The following CTSB variants were observed in gnomAD, a reference collection of about 807,000 sequenced individuals.
The protein encoded by CTSB is APP secretase.
Under a neutral mutation model 44.3 loss-of-function variants are expected in CTSB, and 57 were observed. That is an observed-to-expected ratio of 1.29 (90% CI 1.04 to 1.60). The LOEUF (loss-of-function observed/expected upper bound fraction) is 1.60, where lower values mean the gene tolerates loss of function less well. Among genes scored for constraint, CTSB ranks in the 40% most tolerant of loss-of-function variants. The pLI is 0.00. For synonymous variants in CTSB, 320 were observed against 168.0 expected, an observed-to-expected ratio of 1.91 and a Z score of -7.00; for missense variants, 768 against 443.0, an observed-to-expected ratio of 1.73 and a Z score of -6.59.
intron 4 of CTSB, 115 bp downstream of exon 4, chr8:11,850,751 G>C (rs1736092): frequency 1.1e-5 from 7 of 639,254 alleles, no homozygotes; most frequent in South Asian, 7.9e-5. Flanking sequence ...CTGGGACTCA[G>C]AAAGTTTCTA....
intron 1 of CTSB, 108 bp from the exon 2 acceptor site, chr8:11,853,587 G>C (rs1348661571): frequency 3.5e-6 from 4 of 1,133,282 alleles, no homozygotes; most frequent in Non-Finnish European, 4.9e-6. Context: ...TGCTCGTCCT[G>C]GCCCAGGCGG....
intron 5 of CTSB, chr8:11,848,367 A>G (rs1002914983): frequency 1.5e-5 from 10 of 669,222 alleles, no homozygotes; most frequent in South Asian, 3.0e-5. Flanking sequence ...CCCTGCCCAC[A>G]AAGATCCGGG....
At chr8:11,864,562 C>G (rs1408728906) in intron 1 of CTSB, 1 of 152,050 alleles carries the variant, frequency 6.6e-6, no homozygotes, top group Non-Finnish European at 1.5e-5. Context: ...GGGCAGCAGA[C>G]AGGGAATACA....
chr8:11,853,969 A>C (rs187012200), intron 1 of CTSB: 1 of 152,886 alleles, frequency 6.5e-6, no homozygotes, highest in African/African-American at 2.4e-5. Flanking sequence ...GTTGAGGCTG[A>C]GAGGTGGGGC....
intron 1 of CTSB, chr8:11,862,365 G>C (rs985018080): frequency 6.6e-6 from 1 of 152,218 alleles, no homozygotes; most frequent in African/African-American, 2.4e-5. Context: ...GCTCAGAGCA[G>C]CGCCATCTGG....
chr8:11,845,547 G>C (rs917030197), intron 9 of CTSB, 114 bp downstream of exon 9: 8 of 1,309,618 alleles, frequency 6.1e-6, no homozygotes, highest in Non-Finnish European at 8.3e-6. Context: ...CTCACAGCCT[G>C]GCCGTAGGTC....
Position 11,844,889 on chromosome 8 carries a change from T to G in CTSB, c.*236A>C, listed in dbSNP as rs1395248931. 3.7e-6 allele frequency: 2 copies of G among 537,390 alleles called. No individual in the cohort carries two copies. The highest frequency in any genetic ancestry group is 2.4e-5 in the South Asian group (1 of 41,030). 33.3% of individuals were successfully genotyped at this position (537,390 alleles called of 1,614,324 possible). A position where few individuals can be genotyped will look rare whatever the true frequency, so the allele number is the denominator to read the frequency against. The stretch of plus-strand genomic sequence containing the variant: ...CAGCAGGTACTCCCTACGGCACTAG[T>G]CTACAGGGGGAAGGACGCTCTGTGC... On this transcript the variant is annotated 3_prime_UTR_variant, in exon 10 of 10. Coordinates refer to ENST00000353047, the MANE Select transcript of CTSB (RefSeq NM_001908.5).
At chr8:11,860,035 G>A (rs1816168099) in intron 1 of CTSB, among the ~76,000 whole-genome samples, 1 of 151,840 alleles carries the variant, frequency 6.6e-6, no homozygotes, top group African/African-American at 2.4e-5. Context: ...TCACACCACT[G>A]CACTCCAGCC....
chr8:11,865,262 A>C (rs1255234317), intron 1 of CTSB, among the ~76,000 whole-genome samples: 1 of 152,194 alleles, frequency 6.6e-6, no homozygotes, highest in Non-Finnish European at 1.5e-5. Context: ...AAGAGGCAGC[A>C]GACTGGGCGC....
In CTSB at chr8:11,848,755, C is replaced by T. The variant is rs1049204415; in HGVS notation, c.446+291G>A. 2.1e-5 allele frequency: 7 copies of T among 330,870 alleles called. No homozygotes were observed. In the East Asian group the frequency reaches 4.7e-4, roughly 22 times the overall value. The allele number at this position is 330,870 out of a possible 1,614,324, so 20.5% of individuals were successfully genotyped here. On this transcript the variant is annotated intron_variant, in intron 5 of 9. Coordinates refer to ENST00000353047, the MANE Select transcript of CTSB (RefSeq NM_001908.5). ...TGGTTCCCCAAGCAGGAAAAAGGAA[C>T]ATGCGATGACACAAACCAGACCAGG...
chr8:11,848,457 A>G (rs905992214), intron 5 of CTSB: 3 of 478,822 alleles, frequency 6.3e-6, no homozygotes, highest in African/African-American at 2.0e-5. Context: ...CTGATTCTCA[A>G]CTGAGCAGAC....
chr8:11,848,588 C>G, intron 5 of CTSB: 2 of 329,750 alleles, frequency 6.1e-6, no homozygotes, highest in Admixed American at 4.0e-5. Flanking sequence ...TCAGGCATTT[C>G]GGATCTGCAG....
rs917129011 is a variant in CTSB, at chr8:11,843,095, T to A, written c.*2030A>T. 2.0e-5 allele frequency: 3 copies of A among 152,304 alleles called. No individual in the cohort carries two copies. The highest frequency in any genetic ancestry group is 7.2e-5 in the African/African-American group (3 of 41,412). The allele number at this position is 152,304 out of a possible 1,614,324, so 9.4% of individuals were successfully genotyped here. ...TCCCAAGTAGCTGGGATTACAGGCA[T>A]GTGCCACCATGCCCAGCTAATTTTT... On this transcript the variant is annotated 3_prime_UTR_variant, in exon 10 of 10. Transcript: ENST00000353047.
Position 11,847,717 on chromosome 8 carries a change from G to C in CTSB, c.638C>G (p.Pro213Arg), listed in dbSNP as rs1813673730. ...DTPKCSKICE[P>R]GYSPTYKQDK... The stretch of plus-strand genomic sequence containing the variant: ...CTGTTTGTAGGTCGGGCTGTAGCCA[G>C]GCTCACAGATCTTGCTACACTTGGG... Residue 213 changes from proline (P) to arginine (R), a missense_variant, in exon 7 of 10, where the codon CCT becomes CGT. Pro to Arg is a moderately radical substitution (Grantham distance 103). Coordinates refer to ENST00000353047, the MANE Select transcript of CTSB (RefSeq NM_001908.5). 1 of 1,593,858 alleles carries C rather than the reference G, an allele frequency of 6.3e-7. No individual in the cohort carries two copies. Among genetic ancestry groups the C allele is most frequent in the Non-Finnish European group, 8.5e-7 (1 of 1,172,222 alleles).
intron 8 of CTSB, among the ~76,000 whole-genome samples, chr8:11,846,850 G>A (rs1286689695): frequency 6.6e-6 from 1 of 152,086 alleles, no homozygotes; most frequent in Non-Finnish European, 1.5e-5. Flanking sequence ...TGTGTGTGTT[G>A]GCACAACACC....
rs772947295 is a variant in CTSB at position 11,853,502 on chromosome 8, G to A, written c.-25-23C>T. The stretch of plus-strand genomic sequence containing the variant: ...CACCTGGAGAGGACAGAGGGCATCA[G>A]GACACCTCTCTGTTATGTGGGTCGA... On this transcript the variant is annotated intron_variant, in intron 1 of 9. Coordinates refer to ENST00000353047, the MANE Select transcript of CTSB (RefSeq NM_001908.5). The A allele has an allele frequency of 2.1e-5, 33 of 1,595,558 alleles. No individual in the cohort carries two copies. In the African/African-American group the frequency reaches 2.8e-4, roughly 14 times the overall value.
At chr8:11,845,286 TCCTTAAAAGA>T (rs1813062059) in intron 9 of CTSB, 64 bp from the exon 10 acceptor site, 8 of 1,259,264 alleles carry the variant, frequency 6.4e-6, no homozygotes, top group Middle Eastern at 1.8e-4. Context: ...GTCAGACTCA[TCCTTAAAAGA>T]CCTTAAGTCA....
chr8:11,844,427 C>T lies in CTSB; in HGVS notation c.*698G>A, dbSNP rs1231183476. Reference sequence around the variant, plus strand: ...AGCTGGTTTCTCCTAAACTATTTTCCTTGTGGTAGTAGAGATCAGTGGGTC... The same window carrying T: ...AGCTGGTTTCTCCTAAACTATTTTCTTTGTGGTAGTAGAGATCAGTGGGTC... On this transcript the variant is annotated 3_prime_UTR_variant, in exon 10 of 10. Transcript: ENST00000353047. The T allele has an allele frequency of 6.6e-6, 1 of 152,142 alleles. No homozygotes were observed. The highest frequency in any genetic ancestry group is 2.4e-5 in the African/African-American group (1 of 41,428). 9.4% of individuals were successfully genotyped at this position (152,142 alleles called of 1,614,324 possible).
chr8:11,852,936 C>T (rs950737081), intron 2 of CTSB, among the ~76,000 whole-genome samples: 4 of 152,186 alleles, frequency 2.6e-5, no homozygotes, highest in Non-Finnish European at 4.4e-5. Context: ...TGGCTCACTC[C>T]TCATTCTTGG....
Sources: gnomAD v4.1 joint callset for allele counts (sites outside exome capture counted in the v4.1 genomes callset) on GRCh38, gnomAD v4.1.1 for gene constraint, MANE v1.5 for transcripts, NCBI Gene and HGNC (gene_info 2026-07-23, HGNC 2026-07-21) for gene names.